Variants in USP49 observed in about 807,000 individuals in gnomAD.
USP49 encodes ubiquitin carboxyl-terminal hydrolase 49.
A neutral mutation model predicts 58.6 loss-of-function variants in USP49; 24 were observed. The observed-to-expected ratio is 0.41, with a 90% confidence interval of 0.30 to 0.58. The LOEUF (loss-of-function observed/expected upper bound fraction) is 0.58, where lower values mean the gene tolerates loss of function less well. USP49 is among the 20% of genes least tolerant of loss of function. The pLI is 0.30. For missense variants in USP49, 703 were observed against 866.1 expected (o/e 0.81, Z 2.36); for synonymous variants, 408 against 365.1 (o/e 1.12, Z -1.34).
At chr6:41,810,595 G>A (rs1357292071) in intron 3 of USP49, among the ~76,000 whole-genome samples, 2 of 149,850 alleles carry the variant, frequency 1.3e-5, no homozygotes, top group African/African-American at 2.5e-5. Context: ...TGCCCAGGCT[G>A]GAGTGCACTG....
At chr6:41,865,219 A>G (rs1483478755) in intron 3 of USP49, among the ~76,000 whole-genome samples, 1 of 151,752 alleles carries the variant, frequency 6.6e-6, no homozygotes. Context: ...TAATTTTTGT[A>G]TTTTTTGTAG....
At chr6:41,817,037 G>A (rs868351573) in intron 3 of USP49, among the ~76,000 whole-genome samples, 11 of 150,078 alleles carry the variant, frequency 7.3e-5, no homozygotes, top group African/African-American at 2.7e-4. Context: ...ACAGAATCTC[G>A]CTATACTGCC....
At position 41,790,218 on chromosome 6, in the gene USP49, C is replaced by G. The variant is rs1246655009; in HGVS notation, c.*6315G>C. 1.3e-5 allele frequency: 2 copies of G among 152,214 alleles called. No homozygotes were observed. Among genetic ancestry groups the G allele is most frequent in the Non-Finnish European group, 2.9e-5 (2 of 68,042 alleles). 9.4% of individuals were successfully genotyped at this position (152,214 alleles called of 1,614,324 possible). A position where few individuals can be genotyped will look rare whatever the true frequency, so the allele number is the denominator to read the frequency against. ...GGTTTTCCAGACACCAGGGAGGCAT[C>G]ATTGCTGGAATAGTGAGGTTTGGTG... On this transcript the variant is annotated 3_prime_UTR_variant, in exon 8 of 8. Coordinates refer to ENST00000682992, the MANE Select transcript of USP49 (RefSeq NM_001286554.2).
chr6:41,807,654 T>C (rs951302187), intron 3 of USP49, among the ~76,000 whole-genome samples: 3 of 151,568 alleles, frequency 2.0e-5, no homozygotes, highest in Admixed American at 6.6e-5. Flanking sequence ...GTTGGCCAGG[T>C]TGGTCTCGAA....
At chr6:41,868,421 G>A (rs1410893945) in intron 3 of USP49, among the ~76,000 whole-genome samples, 2 of 152,072 alleles carry the variant, frequency 1.3e-5, no homozygotes, top group African/African-American at 2.4e-5. Context: ...TCCGCCTCCC[G>A]GGTTCAAGTG....
chr6:41,791,157 A>G lies in USP49; in HGVS notation c.*5376T>C, dbSNP rs1772791454. ...CAAGAATTAAGACATGGCAGCTTCC[A>G]AAAGCATAATTCAAATTTCATTCAA... On this transcript the variant is annotated 3_prime_UTR_variant, in exon 8 of 8. Coordinates refer to ENST00000682992, the MANE Select transcript of USP49 (RefSeq NM_001286554.2). 1 of 152,266 alleles carries G rather than the reference A, an allele frequency of 6.6e-6. No individual in the cohort carries two copies. Among genetic ancestry groups the G allele is most frequent in the Non-Finnish European group, 1.5e-5 (1 of 68,050 alleles). The allele number at this position is 152,266 out of a possible 1,614,324, so 9.4% of individuals were successfully genotyped here. A position where few individuals can be genotyped will look rare whatever the true frequency, so the allele number is the denominator to read the frequency against.
intron 3 of USP49, among the ~76,000 whole-genome samples, chr6:41,825,195 TA>T (rs1773517389): frequency 6.6e-6 from 1 of 152,194 alleles, no homozygotes. Context: ...TCAAAGTCCC[TA>T]TTAAAGGCAA....
intron 2 of USP49, among the ~76,000 whole-genome samples, chr6:41,882,665 C>T (rs1183218299): frequency 1.3e-5 from 2 of 152,156 alleles, no homozygotes; most frequent in African/African-American, 4.8e-5. Flanking sequence ...GCCTGTAATC[C>T]CAGCACTTTG....
chr6:41,835,588 C>T (rs1379071033), intron 3 of USP49, among the ~76,000 whole-genome samples: 7 of 152,110 alleles, frequency 4.6e-5, no homozygotes, highest in Non-Finnish European at 8.8e-5. Flanking sequence ...TTGGCAGGCA[C>T]CTGTAGTCCC....
chr6:41,802,428 T>TTTTATTTTA (rs10688447), intron 5 of USP49, among the ~76,000 whole-genome samples: 3,170 of 106,292 alleles, frequency 0.03, 71 homozygotes, highest in East Asian at 0.039. Flanking sequence ...TTTTATTTTA[T>TTTTATTTTA]TTTATTTATT....
intron 2 of USP49, among the ~76,000 whole-genome samples, chr6:41,887,916 G>A (rs1774742136): frequency 6.6e-6 from 1 of 152,090 alleles, no homozygotes; most frequent in East Asian, 1.9e-4. Flanking sequence ...ATGGAAAAGG[G>A]ACAGTATTAT....
intron 3 of USP49, among the ~76,000 whole-genome samples, chr6:41,820,173 C>T (rs943357088): frequency 8.8e-4 from 101 of 115,182 alleles, no homozygotes; most frequent in African/African-American, 3.2e-3. Context: ...TATCTAGCTA[C>T]ATCATTAGTT....
At position 41,804,147 on chromosome 6, in the gene USP49, CAT is replaced by C. The variant is rs893389446; in HGVS notation, c.1357-139_1357-138del. The C allele has an allele frequency of 3.0e-5, 21 of 704,490 alleles. No homozygotes were observed. In the African/African-American group the frequency reaches 3.8e-4, roughly 13 times the overall value. 43.6% of individuals were successfully genotyped at this position (704,490 alleles called of 1,614,324 possible). ...AAAATAGTAATATTAAAATAATAAACATAACTTTAAAAGAATTAGAGTATATT... is the reference window on the plus strand; with the variant it reads ...AAAATAGTAATATTAAAATAATAAACAACTTTAAAAGAATTAGAGTATATT... On this transcript the variant is annotated intron_variant, in intron 4 of 7. Transcript: ENST00000682992.
rs1477982300 is a variant in USP49 at position 41,796,260 on chromosome 6, CCACCCAG to C, written c.*266_*272del. ...ATTTACCCCCCCGCCCCGCTTTCCT[CCACCCAG>C]ATCCCTCTATATTCAGAAGCAACTG... On this transcript the variant is annotated 3_prime_UTR_variant, in exon 8 of 8. Coordinates refer to ENST00000682992, the MANE Select transcript of USP49 (RefSeq NM_001286554.2). The C allele has an allele frequency of 5.4e-5, 18 of 336,364 alleles. No individual in the cohort carries two copies. Among genetic ancestry groups the C allele is most frequent in the Non-Finnish European group, 8.3e-5 (15 of 181,580 alleles). 20.8% of individuals were successfully genotyped at this position (336,364 alleles called of 1,614,324 possible).
chr6:41,823,265 A>C (rs1773482145), intron 3 of USP49, among the ~76,000 whole-genome samples: 1 of 152,210 alleles, frequency 6.6e-6, no homozygotes, highest in African/African-American at 2.4e-5. Flanking sequence ...TGGGGAAAAA[A>C]ATCACATTAC....
At position 41,805,799 on chromosome 6, in the gene USP49, G is replaced by A. The variant is rs199509755; in HGVS notation, c.1185C>T (p.Tyr395=). ...GAAATTCCTGCGCGTCCTGTTGGTCGTAGCCGCGGAAGGCAGGGATCAGGC... is the reference window on the plus strand; with the variant it reads ...GAAATTCCTGCGCGTCCTGTTGGTCATAGCCGCGGAAGGCAGGGATCAGGC... ...VWSLIPAFRG[Y]DQQDAQEFLC... Residue 395 remains tyrosine, a synonymous_variant, in exon 4 of 8, where the codon TAC becomes TAT. Coordinates refer to ENST00000682992, the MANE Select transcript of USP49 (RefSeq NM_001286554.2). The A allele has an allele frequency of 9.9e-6, 16 of 1,613,964 alleles. No individual in the cohort carries two copies. The highest frequency in any genetic ancestry group is 1.4e-5 in the Non-Finnish European group (16 of 1,180,024).
intron 3 of USP49, among the ~76,000 whole-genome samples, chr6:41,813,216 CGAAA>C (rs1274105646): frequency 6.6e-6 from 1 of 152,132 alleles, no homozygotes; most frequent in Non-Finnish European, 1.5e-5. Context: ...TCCTTTCCTT[CGAAA>C]GATTCAGTAC....
chr6:41,815,608 G>A (rs1773336048), intron 3 of USP49, among the ~76,000 whole-genome samples: 1 of 152,134 alleles, frequency 6.6e-6, no homozygotes, highest in Non-Finnish European at 1.5e-5. Context: ...TGGATGAGGG[G>A]TAACCTATAA....
intron 2 of USP49, among the ~76,000 whole-genome samples, chr6:41,879,560 C>T (rs943347171): frequency 2.0e-5 from 3 of 152,118 alleles, no homozygotes; most frequent in Non-Finnish European, 4.4e-5. Context: ...AAAAGTTCTA[C>T]CCCTAGATTG....
Sources: gnomAD v4.1 joint callset for allele counts (sites outside exome capture counted in the v4.1 genomes callset) on GRCh38, gnomAD v4.1.1 for gene constraint, MANE v1.5 for transcripts, NCBI Gene and HGNC (gene_info 2026-07-23, HGNC 2026-07-21) for gene names.